GSAP: variants seen among roughly 807,000 people sequenced by gnomAD.
GSAP encodes the protein gamma-secretase-activating protein.
Under a neutral mutation model 131.7 loss-of-function variants are expected in GSAP, and 118 were observed. That is an observed-to-expected ratio of 0.90 (90% CI 0.77 to 1.04). The LOEUF (loss-of-function observed/expected upper bound fraction) is 1.04, where lower values mean the gene tolerates loss of function less well. GSAP is among the 50% of genes least tolerant of loss of function. The pLI is 0.00. For synonymous variants in GSAP, 381 were observed against 363.4 expected, an observed-to-expected ratio of 1.05 and a Z score of -0.55; for missense variants, 1,019 against 1,013.2, an observed-to-expected ratio of 1.01 and a Z score of -0.08.
chr7:77,379,260 A>T (rs528307541), intron 8 of GSAP, among the ~76,000 whole-genome samples: 1 of 151,892 alleles, frequency 6.6e-6, no homozygotes, highest in South Asian at 2.1e-4. Flanking sequence ...GAGTCACCTC[A>T]CCTCTGTGAG....
intron 1 of GSAP, among the ~76,000 whole-genome samples, chr7:77,407,751 T>C (rs1249794649): frequency 6.6e-6 from 1 of 152,210 alleles, no homozygotes; most frequent in Non-Finnish European, 1.5e-5. Context: ...ACTCAGCAAC[T>C]GCACTTGTAC....
intron 26 of GSAP, among the ~76,000 whole-genome samples, chr7:77,320,197 T>C (rs1011723693): frequency 1.1e-4 from 16 of 152,202 alleles, no homozygotes; most frequent in Admixed American, 6.5e-5. Context: ...ACCGGTCATG[T>C]CATAGTTGCT....
intron 1 of GSAP, among the ~76,000 whole-genome samples, chr7:77,410,414 C>T (rs1391165441): frequency 6.6e-6 from 1 of 152,198 alleles, no homozygotes; most frequent in Non-Finnish European, 1.5e-5. Context: ...TTTGCTTATT[C>T]ATTCTGACTC....
chr7:77,403,709 T>C (rs1053772575), intron 3 of GSAP, among the ~76,000 whole-genome samples: 7 of 152,182 alleles, frequency 4.6e-5, no homozygotes, highest in African/African-American at 1.7e-4. Context: ...AAGAAGGACA[T>C]TGGACCTCCT....
chr7:77,355,132 C>A (rs2037752), intron 16 of GSAP, 81 bp downstream of exon 16: 65,413 of 902,090 alleles, frequency 0.073, 2,662 homozygotes, highest in Middle Eastern at 0.11. Context: ...ATAAAAATAA[C>A]TCCTGACCAT....
chr7:77,404,089 TA>T (rs2151176243), intron 3 of GSAP, among the ~76,000 whole-genome samples: 2 of 152,324 alleles, frequency 1.3e-5, no homozygotes, highest in South Asian at 4.1e-4. Context: ...TCAATCGAGT[TA>T]AATCAAGAGA....
chr7:77,415,930 C>T, intron 1 of GSAP: 2 of 344,654 alleles, frequency 5.8e-6, no homozygotes, highest in Non-Finnish European at 1.1e-5. Context: ...GAACCGCCAG[C>T]GGCCCGGCCC....
intron 1 of GSAP, among the ~76,000 whole-genome samples, 155 bp downstream of exon 1, chr7:77,416,058 G>A (rs997554057): frequency 1.3e-5 from 2 of 152,232 alleles, no homozygotes; most frequent in African/African-American, 4.8e-5. Context: ...GGGTGGCAAA[G>A]CCAAAACAGC....
intron 22 of GSAP, among the ~76,000 whole-genome samples, chr7:77,327,861 C>T (rs1022321570): frequency 3.3e-5 from 5 of 152,122 alleles, no homozygotes; most frequent in African/African-American, 7.2e-5. Context: ...TCTCACTCCC[C>T]GCACCTATGG....
intron 19 of GSAP, among the ~76,000 whole-genome samples, chr7:77,334,708 C>T (rs755522355): frequency 2.0e-5 from 3 of 151,644 alleles, no homozygotes; most frequent in Non-Finnish European, 4.4e-5. Context: ...AAAATGAAAG[C>T]CACAACTGCC....
At chr7:77,344,710 C>T (rs532458311) in intron 19 of GSAP, among the ~76,000 whole-genome samples, 1 of 152,222 alleles carries the variant, frequency 6.6e-6, no homozygotes, top group East Asian at 1.9e-4. Context: ...TGACGGGGTA[C>T]ACTCCAATAC....
chr7:77,363,817 G>A (rs749931119), intron 12 of GSAP, among the ~76,000 whole-genome samples: 9 of 151,956 alleles, frequency 5.9e-5, no homozygotes, highest in Non-Finnish European at 1.2e-4. Flanking sequence ...TGACTGTTAC[G>A]GTTACTGAGC....
chr7:77,349,436 G>A (rs1479341167), intron 18 of GSAP, 32 bp from the exon 19 acceptor site: 1 of 1,579,006 alleles, frequency 6.3e-7, no homozygotes, highest in African/African-American at 1.3e-5. Flanking sequence ...ACACACAGCT[G>A]CTCAGTGTAT....
chr7:77,330,830 C>T (rs912511425), intron 19 of GSAP: 5 of 983,208 alleles, frequency 5.1e-6, no homozygotes, highest in Non-Finnish European at 6.0e-6. Flanking sequence ...TATTTACTGC[C>T]CAGGACATTT....
intron 6 of GSAP, among the ~76,000 whole-genome samples, chr7:77,385,693 C>T (rs929887149): frequency 6.6e-6 from 1 of 152,094 alleles, no homozygotes; most frequent in Non-Finnish European, 1.5e-5. Flanking sequence ...AATTGAGGAG[C>T]GACCACAGTG....
Position 77,312,184 on chromosome 7 carries a change from A to C in GSAP, c.2290T>G (p.Cys764Gly). Reference protein sequence around the residue: ...RLPPLIGQKICRLWDHPMSSN... With the variant: ...RLPPLIGQKIGRLWDHPMSSN... ...CTCATAGGATGATCCCAAAGTCTAC[A>C]AATCTTCTGCCCAATAAGCTATTAT... The change falls in exon 29 of 31, where the codon TGT (cysteine) becomes GGT (glycine). Residue 764 changes from cysteine (C) to glycine (G), a missense_variant. Transcript: ENST00000257626. The C allele has an allele frequency of 6.3e-7, 1 of 1,596,106 alleles. No individual in the cohort carries two copies. Among genetic ancestry groups the C allele is most frequent in the South Asian group, 1.1e-5 (1 of 87,842 alleles).
At chr7:77,352,852 C>T (rs1001053178) in intron 18 of GSAP, 92 bp downstream of exon 18, 65 of 703,732 alleles carry the variant, frequency 9.2e-5, no homozygotes, top group Non-Finnish European at 1.3e-4. Context: ...AGTGAAATCA[C>T]GACCTTGATG....
At chr7:77,391,125 CAAAAAAAAA>C (rs3083869) in intron 5 of GSAP, among the ~76,000 whole-genome samples, 1 of 65,094 alleles carries the variant, frequency 1.5e-5, no homozygotes, top group Non-Finnish European at 2.8e-5. Flanking sequence ...GGCTCCGTCT[CAAAAAAAAA>C]AAAAAAAAAA....
chr7:77,322,604 T>TA (rs374589490), intron 24 of GSAP, among the ~76,000 whole-genome samples: 45,236 of 138,268 alleles, frequency 0.33, 7,807 homozygotes, highest in South Asian at 0.38. Context: ...TTTTTTTTTT[T>TA]AAAGCAAGTT....
Sources: gnomAD v4.1 joint callset for allele counts (sites outside exome capture counted in the v4.1 genomes callset) on GRCh38, gnomAD v4.1.1 for gene constraint, MANE v1.5 for transcripts, NCBI Gene and HGNC (gene_info 2026-07-23, HGNC 2026-07-21) for gene names.